ONECUT3: variants seen among roughly 807,000 people sequenced by gnomAD.
ONECUT3 encodes one cut domain family member 3.
Under a neutral mutation model 16.8 loss-of-function variants are expected in ONECUT3, and 11 were observed. The ratio of observed to expected loss-of-function variants is 0.66; its 90% CI spans 0.41 to 1.09. The LOEUF is 1.09. ONECUT3 is among the 50% of genes least tolerant of loss of function. The probability of loss-of-function intolerance (pLI) is 0.00; values close to 1 mark genes in which losing one functional copy is unlikely to be tolerated. For missense variants in ONECUT3, 637 were observed against 629.9 expected (o/e 1.01, Z -0.12); for synonymous variants, 344 against 310.7 (o/e 1.11, Z -1.13).
At chr19:1,775,118 TCCCGCTCG>T in intron 1 of ONECUT3, 27 bp from the exon 2 acceptor site, 4 of 1,184,844 alleles carry the variant, frequency 3.4e-6, no homozygotes, top group Non-Finnish European at 4.7e-6. Flanking sequence ...TGGCGCTGTG[TCCCGCTCG>T]CCCGCCCGCC....
Position 1,754,176 on chromosome 19 carries a change from C to T in ONECUT3, c.514C>T (p.Arg172Cys). ...CGTGAGCGGCAGCTTCACCCTCATG[C>T]GCGACGAGCGGGCGGCGCTCGCCTC... Reference protein sequence around the residue: ...ASVSGSFTLMRDERAALASVG... With the variant: ...ASVSGSFTLMCDERAALASVG... The change falls in exon 1 of 2, where the codon CGC becomes TGC. Residue 172 changes from arginine (R) to cysteine (C), a missense_variant. Coordinates refer to ENST00000382349, the MANE Select transcript of ONECUT3 (RefSeq NM_001080488.2). The surrounding 1 kb of genome is among the most constrained non-coding windows in gnomAD (Gnocchi z 7.4). The T allele has an allele frequency of 1.8e-6, 2 of 1,135,062 alleles. No homozygotes were observed. Among genetic ancestry groups the T allele is most frequent in the Non-Finnish European group, 2.2e-6 (2 of 916,848 alleles). 70.3% of individuals were successfully genotyped at this position (1,135,062 alleles called of 1,614,324 possible).
Position 1,754,734 on chromosome 19 carries a change from G to T in ONECUT3, c.1072G>T (p.Asp358Tyr). 1 of 1,557,778 alleles carries T rather than the reference G, an allele frequency of 6.4e-7. No individual in the cohort carries two copies. The highest frequency in any genetic ancestry group is 1.2e-5 in the South Asian group (1 of 83,052). Residue 358 changes from aspartate (D) to tyrosine (Y), a missense_variant, in exon 1 of 2, where the codon GAC becomes TAC. Transcript: ENST00000382349. The surrounding 1 kb of genome is among the most constrained non-coding windows in gnomAD (Gnocchi z 7.4). The stretch of plus-strand genomic sequence containing the variant: ...GTGTCGCTCTCAGGGCACGCTCTCC[G>T]ACCTGCTGCGCAACCCCAAGCCGTG... ...ILCRSQGTLS[D>Y]LLRNPKPWSK...
chr19:1,755,077 C>T lies in ONECUT3; in HGVS notation c.1192+223C>T, dbSNP rs987463534. On this transcript the variant is annotated intron_variant, in intron 1 of 1. Coordinates refer to ENST00000382349, the MANE Select transcript of ONECUT3 (RefSeq NM_001080488.2). The surrounding 1 kb of genome is among the most constrained non-coding windows in gnomAD (Gnocchi z 7.5). ...GGGATTGTGCCGCCTCCCCGCCCCC[C>T]GGTCGCCGCTTCTGCCCCTTTCGGG... is the stretch of plus-strand genomic sequence containing the variant. Among the ~76,000 whole-genome samples, 3 of 152,200 alleles carry T rather than the reference C, an allele frequency of 2.0e-5. No individual in the cohort carries two copies. The highest frequency in any genetic ancestry group is 2.9e-5 in the Non-Finnish European group (2 of 68,032).
At chr19:1,767,457 G>T (rs753387504) in intron 1 of ONECUT3, among the ~76,000 whole-genome samples, 1 of 151,970 alleles carries the variant, frequency 6.6e-6, no homozygotes, top group Non-Finnish European at 1.5e-5. Context: ...TAGAAAGGCA[G>T]GAAGTGGGAT....
intron 1 of ONECUT3, among the ~76,000 whole-genome samples, chr19:1,756,147 T>C (rs1226758136): frequency 1.3e-5 from 2 of 152,098 alleles, no homozygotes; most frequent in Non-Finnish European, 2.9e-5. Context: ...CGGGGTGTCC[T>C]GTGCTGTTCC....
rs2067907106 is a variant in ONECUT3 at position 1,754,603 on chromosome 19, CG to C, written c.944del (p.Gly315AlafsTer20). On this transcript the variant is annotated frameshift_variant, in exon 1 of 2. Transcript: ENST00000382349. LOFTEE classifies it high-confidence loss of function. This position sits in a 1 kb window ranked among gnomAD's most constrained non-coding sequence, Gnocchi z 7.4. ...GPGGSGGGPS[A>X]GAAAEEINTK... ...GGCGGGAGCGGCGGCGGCCCCAGCGCGGGCGCAGCGGCCGAGGAGATCAACA... is the reference window on the plus strand; with the variant it reads ...GGCGGGAGCGGCGGCGGCCCCAGCGCGGCGCAGCGGCCGAGGAGATCAACA... 7.3e-7 allele frequency: 1 copy of C among 1,360,900 alleles called. No homozygotes were observed. The highest frequency in any genetic ancestry group is 9.6e-7 in the Non-Finnish European group (1 of 1,046,384). 84.3% of individuals were successfully genotyped at this position (1,360,900 alleles called of 1,614,324 possible). A position where few individuals can be genotyped will look rare whatever the true frequency, so the allele number is the denominator to read the frequency against.
chr19:1,758,315 A>G lies in ONECUT3; in HGVS notation c.1192+3461A>G, dbSNP rs759255372. Among the ~76,000 whole-genome samples the G allele has an allele frequency of 0.039, 2,970 of 76,970 alleles. 123 individuals are homozygous for G. Among genetic ancestry groups the G allele is most frequent in the African/African-American group, 0.11 (2,693 of 24,756 alleles). 50.5% of individuals were successfully genotyped at this position (76,970 alleles called of 152,430 possible). A position where few individuals can be genotyped will look rare whatever the true frequency, so the allele number is the denominator to read the frequency against. ...GCAGAGAGACCAAAAAAAAAAAAAA[A>G]AGAGAGAGAGAGAGAGAGAGACAGA... On this transcript the variant is annotated intron_variant, in intron 1 of 1. Coordinates refer to ENST00000382349, the MANE Select transcript of ONECUT3 (RefSeq NM_001080488.2). This position sits in a 1 kb window ranked among gnomAD's most constrained non-coding sequence, Gnocchi z 5.9.
At chr19:1,769,038 CGGTGGAGGTGGTGGAGTTGCTGGA>C (rs1254195135) in intron 1 of ONECUT3, among the ~76,000 whole-genome samples, 1,208 of 17,162 alleles carry the variant, frequency 0.07, 24 homozygotes, top group Admixed American at 0.13. Context: ...GTGGAGGTGA[CGGTGGAGGTGGTGGAGTTGCTGGA>C]GGTGGAGGTG....
chr19:1,763,144 A>C (rs1229933336), intron 1 of ONECUT3, among the ~76,000 whole-genome samples: 1 of 151,722 alleles, frequency 6.6e-6, no homozygotes, highest in Non-Finnish European at 1.5e-5. Flanking sequence ...TGGGTAGATC[A>C]TCTGAGGCCA....
intron 1 of ONECUT3, among the ~76,000 whole-genome samples, chr19:1,770,204 A>T (rs541253531): frequency 7.2e-4 from 109 of 152,292 alleles, no homozygotes; most frequent in African/African-American, 2.6e-3. Flanking sequence ...ACCAGCCTGG[A>T]CAACATAGTG....
intron 1 of ONECUT3, among the ~76,000 whole-genome samples, chr19:1,769,809 G>A (rs1043326445): frequency 2.6e-5 from 4 of 152,106 alleles, no homozygotes; most frequent in Non-Finnish European, 4.4e-5. Context: ...GCCGGGAAGG[G>A]GGGCAGCAGA....
chr19:1,776,325 G>A lies in ONECUT3; in HGVS notation c.*880G>A, dbSNP rs1014948534. On this transcript the variant is annotated 3_prime_UTR_variant, in exon 2 of 2. Transcript: ENST00000382349. This position sits in a 1 kb window ranked among gnomAD's most constrained non-coding sequence, Gnocchi z 4.9. Reference sequence around the variant, plus strand: ...CTCCGGACACGGGAGACCACGCCCAGGCTCCCAGGAGAAGGGGACCCGGCC... The same window carrying A: ...CTCCGGACACGGGAGACCACGCCCAAGCTCCCAGGAGAAGGGGACCCGGCC... 1 of 152,320 alleles carries A rather than the reference G, an allele frequency of 6.6e-6. No individual in the cohort carries two copies. Among genetic ancestry groups the A allele is most frequent in the Non-Finnish European group, 1.5e-5 (1 of 68,130 alleles). 9.4% of individuals were successfully genotyped at this position (152,320 alleles called of 1,614,324 possible). A position where few individuals can be genotyped will look rare whatever the true frequency, so the allele number is the denominator to read the frequency against.
At position 1,754,637 on chromosome 19, in the gene ONECUT3, G is replaced by T. The variant is rs1462168125; in HGVS notation, c.975G>T (p.Glu325Asp). ...GAAAEEINTK[E>D]VAQRITAELK... ...CGGCCGAGGAGATCAACACCAAGGA[G>T]GTGGCGCAGCGCATCACGGCGGAGC... Residue 325 changes from glutamate (E) to aspartate (D), a missense_variant, in exon 1 of 2, where the codon GAG (glutamate) becomes GAT (aspartate). By Grantham distance (45) the Glu-to-Asp change is conservative (BLOSUM62 2). Coordinates refer to ENST00000382349, the MANE Select transcript of ONECUT3 (RefSeq NM_001080488.2). The surrounding 1 kb of genome is among the most constrained non-coding windows in gnomAD (Gnocchi z 7.4). The T allele has an allele frequency of 2.0e-6, 3 of 1,503,764 alleles. No individual in the cohort carries two copies. Among genetic ancestry groups the T allele is most frequent in the Admixed American group, 2.1e-5 (1 of 46,670 alleles). The allele number at this position is 1,503,764 out of a possible 1,614,324, so 93.2% of individuals were successfully genotyped here.
chr19:1,756,262 A>C (rs138731062), intron 1 of ONECUT3, among the ~76,000 whole-genome samples: 2 of 152,192 alleles, frequency 1.3e-5, no homozygotes, highest in Non-Finnish European at 2.9e-5. Flanking sequence ...CAGAGCAAGC[A>C]AGGTGACTAG....
intron 1 of ONECUT3, among the ~76,000 whole-genome samples, chr19:1,763,041 G>T (rs1299271336): frequency 6.6e-6 from 1 of 151,974 alleles, no homozygotes; most frequent in Non-Finnish European, 1.5e-5. Context: ...GCAATAGGGA[G>T]ACCGCATCTC....
chr19:1,763,929 AC>A (rs1254208142), intron 1 of ONECUT3, among the ~76,000 whole-genome samples: 1 of 151,990 alleles, frequency 6.6e-6, no homozygotes, highest in African/African-American at 2.4e-5. Flanking sequence ...GTTCGCGGTC[AC>A]CATAGCGGCT....
At chr19:1,757,853 G>C (rs1013035245) in intron 1 of ONECUT3, among the ~76,000 whole-genome samples, 2 of 152,252 alleles carry the variant, frequency 1.3e-5, no homozygotes, top group African/African-American at 2.4e-5. Context: ...GCTGGTGCTC[G>C]GAAAGGGAAC....
intron 1 of ONECUT3, among the ~76,000 whole-genome samples, chr19:1,760,779 T>C (rs921916911): frequency 1.3e-5 from 2 of 152,188 alleles, no homozygotes; most frequent in Non-Finnish European, 2.9e-5. Context: ...AATAATTCCT[T>C]TCTGTAGCCT....
Position 1,762,905 on chromosome 19 carries a change from T to C in ONECUT3, c.1192+8051T>C, listed in dbSNP as rs2067954091. On this transcript the variant is annotated intron_variant, in intron 1 of 1. Coordinates refer to ENST00000382349, the MANE Select transcript of ONECUT3 (RefSeq NM_001080488.2). The surrounding 1 kb of genome is among the most constrained non-coding windows in gnomAD (Gnocchi z 4.4). ...CCTCCTCCACCTCCCTTGTTTTTGC[T>C]CCCTGGTTCCCTAAAATATTCTACA... Among the ~76,000 whole-genome samples, 1 of 152,168 alleles carries C rather than the reference T, an allele frequency of 6.6e-6. No homozygotes were observed. The highest frequency in any genetic ancestry group is 1.5e-5 in the Non-Finnish European group (1 of 68,034).
Sources: gnomAD v4.1 joint callset for allele counts (sites outside exome capture counted in the v4.1 genomes callset) on GRCh38, gnomAD v4.1.1 for gene constraint, Gnocchi (gnomAD v3.1) non-coding constraint, MANE v1.5 for transcripts, NCBI Gene and HGNC (gene_info 2026-07-23, HGNC 2026-07-21) for gene names.